The following FBN1 variants were observed in gnomAD, a reference collection of about 807,000 sequenced individuals.
FBN1 encodes fibrillin-1.
FBN1 carries 29 observed loss-of-function variants against 365.1 expected under a neutral mutation model. That is an observed-to-expected ratio of 0.08 (90% CI 0.06 to 0.11). The LOEUF is 0.11. Among genes scored for constraint, FBN1 ranks in the 10% least tolerant of loss-of-function variants. The probability of loss-of-function intolerance (pLI) is 1.00; values close to 1 mark genes in which losing one functional copy is unlikely to be tolerated. For synonymous variants in FBN1, 1,210 were observed against 1,270.5 expected (o/e 0.95, Z 1.01); for missense variants, 2,476 against 3,703.2 (o/e 0.67, Z 8.60).
chr15:48,596,348 C>T lies in FBN1; in HGVS notation c.473G>A (p.Gly158Glu), dbSNP rs2044515710. 6.2e-7 allele frequency: 1 copy of T among 1,613,950 alleles called. No individual in the cohort carries two copies. The highest frequency in any genetic ancestry group is 8.5e-7 in the Non-Finnish European group (1 of 1,179,912). Residue 158 changes from glycine to glutamate, a missense_variant, in exon 6 of 66, where the codon GGA (glycine) becomes GAA (glutamate). Gly to Glu is a moderately conservative substitution (Grantham distance 98). Around this residue, in one of 5 missense-constraint regions of FBN1, gnomAD observed 421 missense variants for 520.1 expected, o/e 0.81. Coordinates refer to ENST00000316623, the MANE Select transcript of FBN1 (RefSeq NM_000138.5). ...PVCESGCLNGGRCVAPNRCAC... is the reference protein window; with the variant it reads ...PVCESGCLNGERCVAPNRCAC... ...ACATCGATTTGGGGCCACACACCTTCCTCCATTGAGACAGCCACTTTCACA... is the reference window on the plus strand; with the variant it reads ...ACATCGATTTGGGGCCACACACCTTTCTCCATTGAGACAGCCACTTTCACA...
rs2044023208 is a variant in FBN1, at chr15:48,537,556, G to T, written c.736+55C>A. The T allele has an allele frequency of 5.6e-6, 9 of 1,596,056 alleles. No individual in the cohort carries two copies. The Admixed American group carries it at 8.3e-5, about 15-fold the overall frequency. ...TTCTCTTCAACTTCATTGGAGAATGGCTCTCCAGAGCAAATAAGATTAATC... is the reference window on the plus strand; with the variant it reads ...TTCTCTTCAACTTCATTGGAGAATGTCTCTCCAGAGCAAATAAGATTAATC... On this transcript the variant is annotated intron_variant, in intron 7 of 65. Transcript: ENST00000316623.
At chr15:48,545,956 C>T (rs992153863) in intron 6 of FBN1, among the ~76,000 whole-genome samples, 2 of 151,914 alleles carry the variant, frequency 1.3e-5, no homozygotes, top group African/African-American at 4.8e-5. Context: ...CGTAGTGAGC[C>T]GCGATCACAC....
rs1358077175 is a variant in FBN1 at position 48,441,308 on chromosome 15, G to C, written c.6163+413C>G. 2.6e-5 allele frequency among the ~76,000 whole-genome samples: 4 copies of C among 152,046 alleles called. No homozygotes were observed. In the East Asian group the frequency reaches 5.8e-4, roughly 22 times the overall value. ...ATAAGGGATGGTTACCATATTGTGG[G>C]GGCAAATGGGTTAATGTGCAGTTTT... is the stretch of plus-strand genomic sequence containing the variant. On this transcript the variant is annotated intron_variant, in intron 50 of 65. Transcript: ENST00000316623.
intron 55 of FBN1, among the ~76,000 whole-genome samples, chr15:48,431,657 ATAT>A (rs2043023556): frequency 2.6e-5 from 4 of 151,628 alleles, no homozygotes; most frequent in South Asian, 4.2e-4. Flanking sequence ...TTATAATATG[ATAT>A]TATTATTTTT....
chr15:48,566,672 C>T (rs2044260588), intron 6 of FBN1, among the ~76,000 whole-genome samples: 1 of 152,174 alleles, frequency 6.6e-6, no homozygotes, highest in Non-Finnish European at 1.5e-5. Context: ...GACATGGATG[C>T]TTAAAATCAT....
chr15:48,596,158 A>T, intron 6 of FBN1, 125 bp downstream of exon 6: 1 of 865,066 alleles, frequency 1.2e-6, no homozygotes, highest in Non-Finnish European at 1.9e-6. Flanking sequence ...CCAATGACAA[A>T]TGAGAAATCC....
intron 36 of FBN1, among the ~76,000 whole-genome samples, chr15:48,469,238 A>G (rs112986044): frequency 0.013 from 2,028 of 150,300 alleles, 48 homozygotes; most frequent in African/African-American, 0.048. Context: ...AAATTCAGAC[A>G]CAGGTTTTAA....
intron 7 of FBN1, among the ~76,000 whole-genome samples, chr15:48,536,195 T>A (rs1196541781): frequency 2.6e-5 from 4 of 152,238 alleles, no homozygotes; most frequent in African/African-American, 9.6e-5. Flanking sequence ...GCCATTGTGA[T>A]TCAATGGGTT....
intron 6 of FBN1, among the ~76,000 whole-genome samples, chr15:48,560,640 T>C (rs1303635830): frequency 1.3e-5 from 2 of 152,246 alleles, no homozygotes; most frequent in African/African-American, 4.8e-5. Context: ...TGTCTTCGTA[T>C]GAGCACATTT....
rs2044550436 is a variant in FBN1, at chr15:48,600,160, T to A, written c.421A>T (p.Ile141Leu). 1 of 1,613,342 alleles carries A rather than the reference T, an allele frequency of 6.2e-7. No homozygotes were observed. Among genetic ancestry groups the A allele is most frequent in the Non-Finnish European group, 8.5e-7 (1 of 1,179,268 alleles). Residue 141 changes from isoleucine (I) to leucine (L), a missense_variant, in exon 5 of 66, where the codon ATA (isoleucine) becomes TTA (leucine). Transcript: ENST00000316623. The stretch of plus-strand genomic sequence containing the variant: ...TTACGTTGTCCACAGTGAGTCCCTA[T>A]GTATCCTTTCTGGCATAGACAGTGA... ...DDHCLCQKGY[I>L]GTHCGQPVCE... is the part of the protein sequence containing the mutation.
At position 48,490,041 on chromosome 15, in the gene FBN1, G is replaced by A. The variant is rs116945525; in HGVS notation, c.2892C>T (p.Asp964=). Reference sequence around the variant, plus strand: ...CAGCAATAGGCAGGGTGCACTCCTCGTCCTCGTACCTCAGGAAGCAGGTTT... The same window carrying A: ...CAGCAATAGGCAGGGTGCACTCCTCATCCTCGTACCTCAGGAAGCAGGTTT... ...RLETCFLRYE[D]EECTLPIAGR... The change falls in exon 25 of 66, where the codon GAC becomes GAT. Residue 964 remains aspartate, a synonymous_variant. Transcript: ENST00000316623. 1.0e-4 allele frequency: 165 copies of A among 1,614,114 alleles called. 1 individual carries two copies. In the East Asian group the frequency reaches 2.0e-3, roughly 19 times the overall value.
intron 6 of FBN1, among the ~76,000 whole-genome samples, chr15:48,592,695 A>T (rs1566934076): frequency 6.6e-6 from 1 of 152,102 alleles, no homozygotes; most frequent in Non-Finnish European, 1.5e-5. Context: ...ACTTGTGGTT[A>T]AAAAAAATAA....
intron 4 of FBN1, among the ~76,000 whole-genome samples, chr15:48,607,208 CAG>C (rs1263399682): frequency 6.6e-6 from 1 of 151,520 alleles, no homozygotes; most frequent in Non-Finnish European, 1.5e-5. Flanking sequence ...AAGAGTAAAA[CAG>C]AATGAGAAGA....
chr15:48,420,556 A>G (rs2042932241), intron 63 of FBN1, 131 bp downstream of exon 63: 1 of 1,245,914 alleles, frequency 8.0e-7, no homozygotes, highest in African/African-American at 1.5e-5. Context: ...TCGGGTTTCA[A>G]CCAGGTTAGG....
chr15:48,423,030 C>A (rs2042954936), intron 60 of FBN1, among the ~76,000 whole-genome samples: 1 of 152,228 alleles, frequency 6.6e-6, no homozygotes, highest in Non-Finnish European at 1.5e-5. Flanking sequence ...TCCCACATCT[C>A]AATAAAACCC....
rs201992942 is a variant in FBN1, at chr15:48,421,998, T to C, written c.7524A>G (p.Thr2508=). Reference sequence around the variant, plus strand: ...GGGTAAATCCGGGAGGACATTTGCATGTGAAGCCGCCAATGGTGTTAACAC... The same window carrying C: ...GGGTAAATCCGGGAGGACATTTGCACGTGAAGCCGCCAATGGTGTTAACAC... ...FLCVNTIGGF[T]CKCPPGFTQH... The change falls in exon 61 of 66, where the codon ACA becomes ACG. Residue 2508 remains threonine (T), a synonymous_variant. Coordinates refer to ENST00000316623, the MANE Select transcript of FBN1 (RefSeq NM_000138.5). 7 of 1,614,144 alleles carry C rather than the reference T, an allele frequency of 4.3e-6. No individual in the cohort carries two copies. The Admixed American group carries it at 5.0e-5, about 12-fold the overall frequency.
intron 2 of FBN1, among the ~76,000 whole-genome samples, chr15:48,633,679 A>G (rs890402086): frequency 1.3e-5 from 2 of 152,174 alleles, no homozygotes; most frequent in Non-Finnish European, 2.9e-5. Context: ...CCGCTGAGAG[A>G]GTAATCACAC....
intron 2 of FBN1, among the ~76,000 whole-genome samples, chr15:48,631,481 G>A (rs1566942228): frequency 6.6e-6 from 1 of 152,198 alleles, no homozygotes; most frequent in Non-Finnish European, 1.5e-5. Flanking sequence ...CAGATGTGTT[G>A]TGTTTGCCCA....
chr15:48,567,998 T>TAGA (rs1555403243), intron 6 of FBN1, among the ~76,000 whole-genome samples: 4 of 56,526 alleles, frequency 7.1e-5, no homozygotes, highest in South Asian at 7.0e-4. Context: ...AGTATACAGA[T>TAGA]AAGAAAGAAA....
Sources: gnomAD v4.1 joint callset for allele counts (sites outside exome capture counted in the v4.1 genomes callset) on GRCh38, gnomAD v4.1.1 for gene constraint, gnomAD v4.1.1 regional missense constraint, MANE v1.5 for transcripts, NCBI Gene and HGNC (gene_info 2026-07-23, HGNC 2026-07-21) for gene names.